The following PTPRD variants were observed in gnomAD, a reference collection of about 807,000 sequenced individuals.
The protein encoded by PTPRD is receptor-type tyrosine-protein phosphatase delta.
Under a neutral mutation model 214.5 loss-of-function variants are expected in PTPRD, and 34 were observed. The ratio of observed to expected loss-of-function variants is 0.16; its 90% CI spans 0.12 to 0.21. PTPRD has a LOEUF of 0.21. Ranked by LOEUF, PTPRD falls within the 10% of genes least tolerant of loss-of-function variation. The probability of loss-of-function intolerance (pLI) is 1.00; values close to 1 mark genes in which losing one functional copy is unlikely to be tolerated. For missense variants in PTPRD, 2,545 were observed against 2,398.7 expected (o/e 1.06, Z -1.27); for synonymous variants, 1,128 against 845.7 (o/e 1.33, Z -5.79).
chr9:8,882,467 G>T (rs1291858541), intron 11 of PTPRD, among the ~76,000 whole-genome samples: 1 of 152,288 alleles, frequency 6.6e-6, no homozygotes, highest in Admixed American at 6.5e-5. Flanking sequence ...ATGAGAAAAT[G>T]TGTGAAAAGT....
rs370472484 is a variant in PTPRD, at chr9:8,801,292, T to C, written c.-103-67346A>G. On this transcript the variant is annotated intron_variant, in intron 11 of 45. Transcript: ENST00000381196. ...TTAATAAACTTCCCTTTGTCTCATA[T>C]TGATCATTTTGGCATCATCTGATGG... Among the ~76,000 whole-genome samples the C allele has an allele frequency of 2.2e-4, 34 of 152,362 alleles. 1 individual carries two copies. The South Asian group carries it at 6.2e-3, about 28-fold the overall frequency.
intron 7 of PTPRD, among the ~76,000 whole-genome samples, chr9:9,659,905 G>C (rs1442171521): frequency 6.6e-6 from 1 of 152,016 alleles, no homozygotes; most frequent in Non-Finnish European, 1.5e-5. Context: ...TCAAGGTGAG[G>C]AAGCAACTTT....
intron 9 of PTPRD, among the ~76,000 whole-genome samples, chr9:9,291,778 C>A (rs919475948): frequency 8.2e-6 from 1 of 121,528 alleles, no homozygotes; most frequent in African/African-American, 3.3e-5. Flanking sequence ...TTTAAAGATT[C>A]TTATAATATT....
At chr9:10,488,746 G>T (rs555120588) in intron 2 of PTPRD, among the ~76,000 whole-genome samples, 7 of 152,172 alleles carry the variant, frequency 4.6e-5, no homozygotes, top group Non-Finnish European at 8.8e-5. Context: ...GCCACCACAG[G>T]CCCATGGGGA....
At chr9:9,787,335 G>C (rs995291698) in intron 5 of PTPRD, among the ~76,000 whole-genome samples, 1 of 150,610 alleles carries the variant, frequency 6.6e-6, no homozygotes, top group Non-Finnish European at 1.5e-5. Flanking sequence ...TCCAGGTAAA[G>C]GTCCAATTGG....
At chr9:8,486,508 A>T (rs759037839) in intron 27 of PTPRD, 159 bp from the exon 28 acceptor site, 9 of 752,174 alleles carry the variant, frequency 1.2e-5, no homozygotes, top group Non-Finnish European at 2.2e-5. Context: ...CTTTGTGGAA[A>T]TATGCTCCTT....
intron 14 of PTPRD, among the ~76,000 whole-genome samples, chr9:8,632,164 T>TG: frequency 6.6e-6 from 1 of 151,498 alleles, no homozygotes; most frequent in South Asian, 2.1e-4. Context: ...TGTGTGTGTG[T>TG]TTAGTTTCAA....
At chr9:9,756,120 A>G (rs1055359938) in intron 6 of PTPRD, among the ~76,000 whole-genome samples, 3 of 152,068 alleles carry the variant, frequency 2.0e-5, no homozygotes, top group Non-Finnish European at 4.4e-5. Context: ...TCCTTCTTTC[A>G]ACACCTCTCT....
At chr9:8,860,388 T>C (rs1015935753) in intron 11 of PTPRD, 2 of 152,214 alleles carry the variant, frequency 1.3e-5, no homozygotes, top group Non-Finnish European at 2.9e-5. Context: ...AGCCCAACTT[T>C]TCTGACACTG....
intron 11 of PTPRD, among the ~76,000 whole-genome samples, chr9:8,956,721 G>A (rs1177315546): frequency 1.3e-5 from 2 of 151,766 alleles, no homozygotes; most frequent in Non-Finnish European, 2.9e-5. Context: ...ATTTCATTCT[G>A]TTCCTGCCTC....
rs1248036501 is a variant in PTPRD, at chr9:9,827,174, A to C, written c.-367-60323T>G. ...AAAACTACTTTAAAGTTCATATGGA[A>C]CCAAAAAAGAGCCCACATTGCCAAG... On this transcript the variant is annotated intron_variant, in intron 5 of 45. Transcript: ENST00000381196. Among the ~76,000 whole-genome samples the C allele has an allele frequency of 1.3e-5, 2 of 152,090 alleles. 1 individual carries two copies. The highest frequency in any genetic ancestry group is 2.9e-5 in the Non-Finnish European group (2 of 68,012).
At chr9:10,403,299 T>C (rs889891001) in intron 2 of PTPRD, among the ~76,000 whole-genome samples, 9 of 140,926 alleles carry the variant, frequency 6.4e-5, no homozygotes, top group Non-Finnish European at 1.1e-4. Context: ...AGGTCAGTCT[T>C]GATATTTTAA....
chr9:9,137,220 A>T (rs2099852269), intron 10 of PTPRD, among the ~76,000 whole-genome samples: 4 of 152,158 alleles, frequency 2.6e-5, no homozygotes, highest in African/African-American at 9.7e-5. Context: ...TTAATACATG[A>T]AATTTTATTT....
rs114035025 is a variant in PTPRD at position 10,137,926 on chromosome 9, A to G, written c.-544-104136T>C. Among the ~76,000 whole-genome samples, 189 of 152,168 alleles carry G rather than the reference A, an allele frequency of 1.2e-3. 1 individual carries two copies. The highest frequency in any genetic ancestry group is 4.2e-3 in the African/African-American group (176 of 41,552). On this transcript the variant is annotated intron_variant, in intron 3 of 45. Transcript: ENST00000381196. ...AGGAAATGTATAGTGCTAAACACCT[A>G]CATCAAGAACTTAGAAATATACCAA...
chr9:10,222,154 T>C (rs934604934), intron 3 of PTPRD, among the ~76,000 whole-genome samples: 1 of 152,076 alleles, frequency 6.6e-6, no homozygotes, highest in Non-Finnish European at 1.5e-5. Flanking sequence ...ATTGAATAGA[T>C]GAAAATATAT....
At chr9:10,141,427 A>C (rs188524397) in intron 3 of PTPRD, among the ~76,000 whole-genome samples, 2,503 of 152,222 alleles carry the variant, frequency 0.016, 50 homozygotes, top group African/African-American at 0.054. Context: ...ATCAATGTAC[A>C]AAAATCACAA....
chr9:10,596,503 G>A (rs922183680), intron 2 of PTPRD, among the ~76,000 whole-genome samples: 2 of 151,496 alleles, frequency 1.3e-5, no homozygotes, highest in African/African-American at 2.4e-5. Context: ...TAATTGTAAA[G>A]GCAGTATAAA....
chr9:9,169,767 C>G (rs2099911009), intron 10 of PTPRD, among the ~76,000 whole-genome samples: 1 of 152,158 alleles, frequency 6.6e-6, no homozygotes, highest in Non-Finnish European at 1.5e-5. Flanking sequence ...AAAAAGGCAT[C>G]TGTAGTCTAA....
chr9:9,153,533 A>G (rs1275504574), intron 10 of PTPRD, among the ~76,000 whole-genome samples: 1 of 152,212 alleles, frequency 6.6e-6, no homozygotes, highest in Non-Finnish European at 1.5e-5. Context: ...ATATGCCATA[A>G]GGTACAGAAA....
Sources: gnomAD v4.1 joint callset for allele counts (sites outside exome capture counted in the v4.1 genomes callset) on GRCh38, gnomAD v4.1.1 for gene constraint, MANE v1.5 for transcripts, NCBI Gene and HGNC (gene_info 2026-07-23, HGNC 2026-07-21) for gene names.